Variants in TNRC18 observed in about 807,000 individuals in gnomAD.
TNRC18 encodes the protein trinucleotide repeat containing 18.
Under a neutral mutation model 226.7 loss-of-function variants are expected in TNRC18, and 69 were observed. The ratio of observed to expected loss-of-function variants is 0.30; its 90% CI spans 0.25 to 0.37. The LOEUF (loss-of-function observed/expected upper bound fraction) is 0.37, where lower values mean the gene tolerates loss of function less well. TNRC18 is among the 10% of genes least tolerant of loss of function. The pLI is 1.00. For missense variants in TNRC18, 4,754 were observed against 4,256.6 expected (o/e 1.12, Z -3.25); for synonymous variants, 2,449 against 1,927.6 (o/e 1.27, Z -7.09).
At chr7:5,392,188 G>T (rs1488160819) in intron 3 of TNRC18, among the ~76,000 whole-genome samples, 8 of 152,190 alleles carry the variant, frequency 5.3e-5, no homozygotes, top group African/African-American at 1.9e-4. Context: ...CTCCCAGCCG[G>T]AGCAGTGGCT....
chr7:5,313,345 G>C lies in TNRC18; in HGVS notation c.7546C>G (p.Pro2516Ala), dbSNP rs759599919. 6.4e-7 allele frequency: 1 copy of C among 1,559,422 alleles called. No individual in the cohort carries two copies. Among genetic ancestry groups the C allele is most frequent in the African/African-American group, 1.4e-5 (1 of 73,600 alleles). The change falls in exon 27 of 30, where the codon CCC becomes GCC. Residue 2516 changes from proline (P) to alanine (A), a missense_variant. Transcript: ENST00000430969. ...PAAGSSEPKA[P>A]WPKATDGDLA... The stretch of plus-strand genomic sequence containing the variant: ...TCCCCGTCGGTGGCCTTGGGCCAGG[G>C]TGCCTTGGGCTCGCTGCTGCCGGCC...
chr7:5,357,481 G>A (rs1270594283), intron 15 of TNRC18, among the ~76,000 whole-genome samples: 1 of 151,864 alleles, frequency 6.6e-6, no homozygotes, highest in African/African-American at 2.4e-5. Flanking sequence ...GCGCGATCTC[G>A]GCTCACTGCA....
rs770784837 is a variant in TNRC18, at chr7:5,332,753, C to T, written c.6016G>A (p.Asp2006Asn). The T allele has an allele frequency of 2.0e-6, 3 of 1,520,246 alleles. No individual in the cohort carries two copies. The highest frequency in any genetic ancestry group is 2.0e-5 in the Admixed American group (1 of 49,070). 94.2% of individuals were successfully genotyped at this position (1,520,246 alleles called of 1,614,324 possible). A position where few individuals can be genotyped will look rare whatever the true frequency, so the allele number is the denominator to read the frequency against. ...GGCGCAGGTGCAGCAGCCGAGGCGT[C>T]GTGCAGGAAGATGCGCTCGCTGCGG... ...RRRSERIFLHDASAAAPAPVS... is the reference protein window; with the variant it reads ...RRRSERIFLHNASAAAPAPVS... Residue 2006 changes from aspartate to asparagine, a missense_variant, in exon 19 of 30, where the codon GAC (aspartate) becomes AAC (asparagine). Asp to Asn is a conservative substitution (Grantham distance 23). Transcript: ENST00000430969.
At chr7:5,349,311 T>C (rs1791536545) in intron 17 of TNRC18, among the ~76,000 whole-genome samples, 1 of 152,034 alleles carries the variant, frequency 6.6e-6, no homozygotes, top group African/African-American at 2.4e-5. Flanking sequence ...AGAAAACCTT[T>C]CTGGAGTTGT....
intron 18 of TNRC18, among the ~76,000 whole-genome samples, chr7:5,336,828 G>C (rs540488994): frequency 6.6e-6 from 1 of 152,334 alleles, no homozygotes; most frequent in Admixed American, 6.5e-5. Flanking sequence ...GAATGGATAT[G>C]ATTAAGAGAA....
intron 2 of TNRC18, among the ~76,000 whole-genome samples, chr7:5,405,641 G>A (rs1336406672): frequency 6.6e-6 from 1 of 152,182 alleles, no homozygotes; most frequent in Non-Finnish European, 1.5e-5. Context: ...TACGCGGGAG[G>A]TTGAGACAGG....
At position 5,394,296 on chromosome 7, in the gene TNRC18, G is replaced by T; in HGVS notation, c.343+144C>A. On this transcript the variant is annotated intron_variant, in intron 3 of 29. Coordinates refer to ENST00000430969, the MANE Select transcript of TNRC18 (RefSeq NM_001080495.3). This position sits in a 1 kb window ranked among gnomAD's most constrained non-coding sequence, Gnocchi z 4.5. ...ACAGTGACAAGAAGAAGCCCTGAGC[G>T]TTTGAGAAACAACAGGGAAGCCAGG... is the stretch of plus-strand genomic sequence containing the variant. The T allele has an allele frequency of 1.4e-6, 1 of 712,644 alleles. No individual in the cohort carries two copies. The highest frequency in any genetic ancestry group is 2.2e-5 in the South Asian group (1 of 45,390). The allele number at this position is 712,644 out of a possible 1,614,324, so 44.1% of individuals were successfully genotyped here.
chr7:5,315,039 C>T lies in TNRC18; in HGVS notation c.6972G>A (p.Glu2324=). 2 of 1,609,104 alleles carry T rather than the reference C, an allele frequency of 1.2e-6. No individual in the cohort carries two copies. Among genetic ancestry groups the T allele is most frequent in the African/African-American group, 1.3e-5 (1 of 74,906 alleles). ...GKDGGTAGSE[E]PGAKARGRGR... ...CACGCCCACGGGCCTTGGCTCCTGG[C>T]TCCTCCGACCCAGCCGTGCCACCAT... The change falls in exon 26 of 30, where the codon GAG becomes GAA. Residue 2324 remains glutamate (E), a synonymous_variant. Transcript: ENST00000430969.
At chr7:5,342,963 A>T (rs1204648666) in intron 18 of TNRC18, among the ~76,000 whole-genome samples, 1 of 152,218 alleles carries the variant, frequency 6.6e-6, no homozygotes. Context: ...AAGACCCACC[A>T]TCAGCAAAAA....
chr7:5,362,685 T>C lies in TNRC18; in HGVS notation c.4360A>G (p.Lys1454Glu). 6.3e-7 allele frequency: 1 copy of C among 1,589,084 alleles called. No homozygotes were observed. The highest frequency in any genetic ancestry group is 8.6e-7 in the Non-Finnish European group (1 of 1,168,618). The change falls in exon 12 of 30, where the codon AAG (lysine) becomes GAG (glutamate). Residue 1454 changes from lysine to glutamate, a missense_variant. Lys to Glu is a moderately conservative substitution (Grantham distance 56). Coordinates refer to ENST00000430969, the MANE Select transcript of TNRC18 (RefSeq NM_001080495.3). ...LRLPRELKPN[K>E]KYSWMRKKEE... Reference sequence around the variant, plus strand: ...TTCTTGCGCATCCAGCTGTACTTCTTGTTGGGCTTCAGCTCCCGCGGGAGC... The same window carrying C: ...TTCTTGCGCATCCAGCTGTACTTCTCGTTGGGCTTCAGCTCCCGCGGGAGC...
At chr7:5,405,979 C>A (rs1296724152) in intron 2 of TNRC18, among the ~76,000 whole-genome samples, 1 of 152,150 alleles carries the variant, frequency 6.6e-6, no homozygotes. Flanking sequence ...ATGTTCATAG[C>A]AGCACTATTC....
At position 5,324,777 on chromosome 7, in the gene TNRC18, G is replaced by A. The variant is rs1306114891; in HGVS notation, c.6300+319C>T. Among the ~76,000 whole-genome samples, 9 of 152,144 alleles carry A rather than the reference G, an allele frequency of 5.9e-5. No homozygotes were observed. The highest frequency in any genetic ancestry group is 9.7e-5 in the African/African-American group (4 of 41,422). On this transcript the variant is annotated intron_variant, in intron 20 of 29. Transcript: ENST00000430969. The surrounding 1 kb of genome is among the most constrained non-coding windows in gnomAD (Gnocchi z 4.8). ...GTGGACATGCCATCATCTGCCACTC[G>A]GGCAGATTCACCCAAGCCTGAGGGC...
intron 9 of TNRC18, among the ~76,000 whole-genome samples, chr7:5,374,706 G>A (rs1269297635): frequency 6.6e-6 from 1 of 152,222 alleles, no homozygotes; most frequent in Non-Finnish European, 1.5e-5. Context: ...AGGCAGCGCT[G>A]GGGGTGAGGA....
intron 26 of TNRC18, among the ~76,000 whole-genome samples, chr7:5,314,210 G>A (rs898894074): frequency 1.4e-4 from 22 of 151,868 alleles, no homozygotes; most frequent in African/African-American, 4.8e-4. Flanking sequence ...GGGCTCAAGC[G>A]ATCCCTGTGC....
intron 11 of TNRC18, among the ~76,000 whole-genome samples, chr7:5,364,231 G>T (rs554666181): frequency 6.6e-6 from 1 of 152,076 alleles, no homozygotes; most frequent in Non-Finnish European, 1.5e-5. Context: ...TCAGGAGGCA[G>T]AAGTTGCAGT....
chr7:5,377,966 C>A lies in TNRC18; in HGVS notation c.2211G>T (p.Arg737=). The part of the protein sequence containing the change: ...VDDRARHREE[R]LLGARLDRDQ... ...CCCGGTCCAGCCGTGCCCCGAGCAG[C>A]CGTTCCTCCCGGTGTCTGGCCCGGT... The change falls in exon 6 of 30, where the codon CGG becomes CGT. Residue 737 remains arginine, a synonymous_variant. Coordinates refer to ENST00000430969, the MANE Select transcript of TNRC18 (RefSeq NM_001080495.3). The surrounding 1 kb of genome is among the most constrained non-coding windows in gnomAD (Gnocchi z 5.8). 1 of 1,613,578 alleles carries A rather than the reference C, an allele frequency of 6.2e-7. No individual in the cohort carries two copies. Among genetic ancestry groups the A allele is most frequent in the Non-Finnish European group, 8.5e-7 (1 of 1,179,838 alleles).
chr7:5,362,928 G>A, intron 11 of TNRC18, 103 bp from the exon 12 acceptor site: 1 of 1,230,538 alleles, frequency 8.1e-7, no homozygotes, highest in East Asian at 2.7e-5. Flanking sequence ...GGCCACACGT[G>A]CCCATCCCCC....
intron 18 of TNRC18, 37 bp downstream of exon 18, chr7:5,345,525 C>CCCCCCCCCCCCCCCCAA: frequency 4.6e-6 from 1 of 217,344 alleles, no homozygotes. Context: ...CCGCCCCTCC[C>CCCCCCCCCCCCCCCCAA]ACCCACCCCC....
At chr7:5,350,127 G>T (rs552904013) in intron 17 of TNRC18, among the ~76,000 whole-genome samples, 4 of 151,908 alleles carry the variant, frequency 2.6e-5, no homozygotes, top group African/African-American at 9.7e-5. Context: ...GGAGATGGGG[G>T]AAAGGGAGGA....
Sources: allele counts gnomAD v4.1 joint callset (sites outside exome capture counted in the v4.1 genomes callset), GRCh38; gene constraint gnomAD v4.1.1; non-coding constraint Gnocchi (gnomAD v3.1); transcripts MANE v1.5; gene names NCBI Gene and HGNC (gene_info 2026-07-23, HGNC 2026-07-21).